ZNF736: variants seen among roughly 807,000 people sequenced by gnomAD.
ZNF736 encodes the protein KRAB-containing zinc-finger repressor protein.
Under a neutral mutation model 11.7 loss-of-function variants are expected in ZNF736, and 6 were observed. The ratio of observed to expected loss-of-function variants is 0.51; its 90% CI spans 0.28 to 1.01. The LOEUF (loss-of-function observed/expected upper bound fraction) is 1.01. Ranked by LOEUF, ZNF736 falls within the 50% of genes least tolerant of loss-of-function variation. The pLI is 0.09. For synonymous variants in ZNF736, 139 were observed against 164.7 expected (o/e 0.84, Z 1.19); for missense variants, 444 against 496.0 (o/e 0.90, Z 1.00).
Position 64,336,952 on chromosome 7 carries a change from A to G in ZNF736, c.196A>G (p.Lys66Glu), listed in dbSNP as rs774414514. 10 of 1,604,732 alleles carry G rather than the reference A, an allele frequency of 6.2e-6. No homozygotes were observed. The highest frequency in any genetic ancestry group is 8.5e-6 in the Non-Finnish European group (10 of 1,175,328). ...LEQRKEPWKV[K>E]RQEAVAKHPA... is the part of the protein sequence containing the mutation. ...GCAAAGAAAAGAGCCTTGGAAAGTG[A>G]AGAGACAGGAGGCAGTAGCCAAACA... is the stretch of plus-strand genomic sequence containing the variant. The change falls in exon 3 of 4, where the codon AAG becomes GAG. Residue 66 changes from lysine (K) to glutamate (E), a missense_variant. Physicochemically the swap from Lys to Glu is moderately conservative, Grantham distance 56 (BLOSUM62 1). Coordinates refer to ENST00000423484, the MANE Select transcript of ZNF736 (RefSeq NM_001170905.3).
At chr7:64,328,201 G>A (rs1789108040) in intron 1 of ZNF736, among the ~76,000 whole-genome samples, 1 of 150,728 alleles carries the variant, frequency 6.6e-6, no homozygotes, top group African/African-American at 2.4e-5. Flanking sequence ...TTTTTTGTGG[G>A]ACAGGTCTGG....
chr7:64,324,431 G>A (rs1418569372), intron 1 of ZNF736, among the ~76,000 whole-genome samples: 1 of 152,164 alleles, frequency 6.6e-6, no homozygotes, highest in Non-Finnish European at 1.5e-5. Context: ...GTTCTGTGAT[G>A]CCATGTTTCT....
Position 64,348,648 on chromosome 7 carries a change from G to A in ZNF736, c.785G>A (p.Cys262Tyr), listed in dbSNP as rs1789444816. The A allele has an allele frequency of 6.2e-7, 1 of 1,607,610 alleles. No homozygotes were observed. The highest frequency in any genetic ancestry group is 8.5e-7 in the Non-Finnish European group (1 of 1,176,958). ...GACAGACCCTACAAATGTGAAGAATGTGGCAAAGCCTTTAAGTGCTTCTCA... is the reference window on the plus strand; with the variant it reads ...GACAGACCCTACAAATGTGAAGAATATGGCAAAGCCTTTAAGTGCTTCTCA... The part of the protein sequence containing the change: ...TGDRPYKCEE[C>Y]GKAFKCFSDL... Residue 262 changes from cysteine (C) to tyrosine (Y), a missense_variant, in exon 4 of 4, where the codon TGT becomes TAT. Cys to Tyr is a radical substitution (Grantham distance 194). Coordinates refer to ENST00000423484, the MANE Select transcript of ZNF736 (RefSeq NM_001170905.3).
rs1280922058 is a variant in ZNF736, at chr7:64,313,965, C to G, written c.-186C>G. 5.5e-6 allele frequency: 4 copies of G among 731,636 alleles called. No individual in the cohort carries two copies. Among genetic ancestry groups the G allele is most frequent in the African/African-American group, 5.3e-5 (3 of 56,522 alleles). The allele number at this position is 731,636 out of a possible 1,614,324, so 45.3% of individuals were successfully genotyped here. ...TGCGCAGCTACAGAGGAAGAGGCGG[C>G]CTCTTCAATATGGCGGGGCCTTTGT... On this transcript the variant is annotated 5_prime_UTR_variant, in exon 1 of 4. Coordinates refer to ENST00000423484, the MANE Select transcript of ZNF736 (RefSeq NM_001170905.3).
At chr7:64,330,834 A>C (rs1452421764) in intron 1 of ZNF736, among the ~76,000 whole-genome samples, 7 of 150,988 alleles carry the variant, frequency 4.6e-5, no homozygotes, top group Non-Finnish European at 7.4e-5. Context: ...GTATGTCTAG[A>C]ACTGTCACTC....
intron 1 of ZNF736, 126 bp from the exon 2 acceptor site, chr7:64,336,133 A>G (rs1228692327): frequency 1.6e-5 from 17 of 1,067,250 alleles, no homozygotes; most frequent in Non-Finnish European, 2.3e-5. Flanking sequence ...TGTGCTAGAA[A>G]GTATCCTACT....
In ZNF736 at chr7:64,348,925, A is replaced by G; in HGVS notation, c.1062A>G (p.Ser354=). Residue 354 remains serine, a synonymous_variant, in exon 4 of 4, where the codon TCA becomes TCG. Transcript: ENST00000423484. ...GTGGCAAAGCCTTTACCCGCTCCTCAACCCTTTTTAACCACAAGAGAATTC... is the reference window on the plus strand; with the variant it reads ...GTGGCAAAGCCTTTACCCGCTCCTCGACCCTTTTTAACCACAAGAGAATTC... ...EECGKAFTRS[S]TLFNHKRIHM... 1 of 1,601,988 alleles carries G rather than the reference A, an allele frequency of 6.2e-7. No homozygotes were observed. The highest frequency in any genetic ancestry group is 8.5e-7 in the Non-Finnish European group (1 of 1,173,806).
chr7:64,319,225 A>G (rs1278605959), intron 1 of ZNF736, among the ~76,000 whole-genome samples: 2 of 151,066 alleles, frequency 1.3e-5, no homozygotes, highest in African/African-American at 2.4e-5. Context: ...TATATGGGAA[A>G]ACCATAGGCC....
At chr7:64,330,231 A>C (rs1325551770) in intron 1 of ZNF736, among the ~76,000 whole-genome samples, 1 of 151,824 alleles carries the variant, frequency 6.6e-6, no homozygotes, top group Non-Finnish European at 1.5e-5. Context: ...ATCTTGGCTC[A>C]CTGCAAGCTC....
chr7:64,318,789 A>G (rs568205861), intron 1 of ZNF736, among the ~76,000 whole-genome samples: 14 of 152,304 alleles, frequency 9.2e-5, no homozygotes, highest in African/African-American at 3.4e-4. Context: ...TAGACACAAC[A>G]TATAACTTAC....
chr7:64,339,847 A>C (rs1430562583), intron 3 of ZNF736, among the ~76,000 whole-genome samples: 4 of 152,190 alleles, frequency 2.6e-5, no homozygotes, highest in Non-Finnish European at 4.4e-5. Context: ...TTAATAGGGC[A>C]TTTATTGAAT....
intron 1 of ZNF736, among the ~76,000 whole-genome samples, chr7:64,323,436 A>T (rs993370547): frequency 4.2e-4 from 4 of 9,610 alleles, no homozygotes; most frequent in Non-Finnish European, 1.7e-3. Flanking sequence ...TGTTTTTAAA[A>T]GTAAAACAAA....
intron 3 of ZNF736, among the ~76,000 whole-genome samples, chr7:64,338,905 A>G (rs759478798): frequency 5.3e-5 from 8 of 152,022 alleles, no homozygotes; most frequent in Non-Finnish European, 8.8e-5. Flanking sequence ...AAAAGAACCT[A>G]CATACTAGAT....
At chr7:64,340,549 C>T (rs1286816324) in intron 3 of ZNF736, among the ~76,000 whole-genome samples, 1 of 152,068 alleles carries the variant, frequency 6.6e-6, no homozygotes, top group Non-Finnish European at 1.5e-5. Flanking sequence ...GTTTTAAAAC[C>T]CTCTCCTTGA....
At chr7:64,333,328 C>T (rs1472237107) in intron 1 of ZNF736, among the ~76,000 whole-genome samples, 3 of 152,144 alleles carry the variant, frequency 2.0e-5, no homozygotes, top group East Asian at 1.9e-4. Context: ...TTATTCCCTA[C>T]GTCCCAGCTT....
intron 1 of ZNF736, among the ~76,000 whole-genome samples, chr7:64,320,337 G>C (rs1788986610): frequency 6.6e-6 from 1 of 152,198 alleles, no homozygotes; most frequent in Non-Finnish European, 1.5e-5. Flanking sequence ...TAAAACAGGA[G>C]AATGAAAGCT....
In ZNF736 at chr7:64,336,961, G is replaced by A. The variant is rs558228291; in HGVS notation, c.205G>A (p.Glu69Lys). ...AGAGCCTTGGAAAGTGAAGAGACAG[G>A]AGGCAGTAGCCAAACACCCAGGTAG... is the stretch of plus-strand genomic sequence containing the variant. The part of the protein sequence containing the change: ...RKEPWKVKRQ[E>K]AVAKHPAGSF... The change falls in exon 3 of 4, where the codon GAG becomes AAG. Residue 69 changes from glutamate to lysine, a missense_variant. Transcript: ENST00000423484. 1 of 1,603,602 alleles carries A rather than the reference G, an allele frequency of 6.2e-7. No individual in the cohort carries two copies. The highest frequency in any genetic ancestry group is 1.7e-5 in the Admixed American group (1 of 58,186).
intron 3 of ZNF736, among the ~76,000 whole-genome samples, chr7:64,337,756 G>GT (rs569147961): frequency 0.024 from 2,710 of 112,434 alleles, 107 homozygotes; most frequent in East Asian, 0.11. Context: ...GTTTTTTTTG[G>GT]TTTTTTTTTT....
rs1405335765 is a variant in ZNF736, at chr7:64,349,047, A to G, written c.1184A>G (p.Lys395Arg). ...CATAAGAGAATTCACACTGGAGAGA[A>G]ACCCTACAAATGTGAAGAATGTGGC... Reference protein sequence around the residue: ...TNHKRIHTGEKPYKCEECGKA... With the variant: ...TNHKRIHTGERPYKCEECGKA... The change falls in exon 4 of 4, where the codon AAA becomes AGA. Residue 395 changes from lysine (K) to arginine (R), a missense_variant. Transcript: ENST00000423484. 6.2e-7 allele frequency: 1 copy of G among 1,605,936 alleles called. No homozygotes were observed. The highest frequency in any genetic ancestry group is 8.5e-7 in the Non-Finnish European group (1 of 1,175,760).
Sources: allele counts gnomAD v4.1 joint callset (sites outside exome capture counted in the v4.1 genomes callset), GRCh38; gene constraint gnomAD v4.1.1; transcripts MANE v1.5; gene names NCBI Gene and HGNC (gene_info 2026-07-23, HGNC 2026-07-21).